The following ANAPC2 variants were observed in gnomAD, a reference collection of about 807,000 sequenced individuals.
ANAPC2 encodes the protein anaphase-promoting complex subunit 2.
ANAPC2 carries 29 observed loss-of-function variants against 84.3 expected under a neutral mutation model. The ratio of observed to expected loss-of-function variants is 0.34; its 90% CI spans 0.26 to 0.47. The LOEUF is 0.47. Among genes scored for constraint, ANAPC2 ranks in the 20% least tolerant of loss-of-function variants. The probability of loss-of-function intolerance (pLI) is 1.00; values close to 1 mark genes in which losing one functional copy is unlikely to be tolerated. For missense variants in ANAPC2, 857 were observed against 1,131.7 expected (o/e 0.76, Z 3.48); for synonymous variants, 571 against 479.4 (o/e 1.19, Z -2.50).
intron 1 of ANAPC2, 33 bp from the exon 2 acceptor site, chr9:137,188,136 C>T: frequency 1.3e-6 from 2 of 1,597,836 alleles, no homozygotes; most frequent in South Asian, 1.1e-5. Flanking sequence ...GCGAGGGGAA[C>T]ACAACATAGA....
Position 137,187,870 on chromosome 9 carries a change from C to A in ANAPC2, c.351G>T (p.Leu117=). 6.2e-7 allele frequency: 1 copy of A among 1,613,680 alleles called. No individual in the cohort carries two copies. The highest frequency in any genetic ancestry group is 8.5e-7 in the Non-Finnish European group (1 of 1,180,044). The change falls in exon 2 of 13, where the codon CTG becomes CTT. Residue 117 remains leucine (L), a synonymous_variant. Coordinates refer to ENST00000323927, the MANE Select transcript of ANAPC2 (RefSeq NM_013366.4). The part of the protein sequence containing the change: ...CLLLLLDAFG[L]LESRLDPYLR... ...GGTAGGGATCCAGGCGGCTCTCCAG[C>A]AGGCCAAAAGCGTCAAGGAGTAGCA...
intron 2 of ANAPC2, 152 bp from the exon 3 acceptor site, chr9:137,186,508 G>C: frequency 3.5e-6 from 4 of 1,156,560 alleles, no homozygotes; most frequent in Non-Finnish European, 3.5e-6. Context: ...ATCCTCAGCT[G>C]TGGGGGGCGG....
rs776900704 is a variant in ANAPC2 at position 137,187,512 on chromosome 9, G to A, written c.709C>T (p.Leu237=). 2.5e-6 allele frequency: 4 copies of A among 1,611,250 alleles called. No individual in the cohort carries two copies. Among genetic ancestry groups the A allele is most frequent in the South Asian group, 1.1e-5 (1 of 91,040 alleles). The change falls in exon 2 of 13, where the codon CTG becomes TTG. Residue 237 remains leucine (L), a synonymous_variant. Transcript: ENST00000323927. ...TGGCTGAGCTGATGGAACTGCTCCAGAGCCTGGCGACACCAGCACTGTTGC... is the reference window on the plus strand; with the variant it reads ...TGGCTGAGCTGATGGAACTGCTCCAAAGCCTGGCGACACCAGCACTGTTGC... The part of the protein sequence containing the change: ...DKQQCWCRQA[L]EQFHQLSQVL...
intron 3 of ANAPC2, 96 bp from the exon 4 acceptor site, chr9:137,185,183 G>A (rs1051844227): frequency 1.6e-5 from 22 of 1,342,492 alleles, no homozygotes; most frequent in Non-Finnish European, 1.7e-5. Flanking sequence ...CCACCCTGTC[G>A]GCCGGGACCG....
Position 137,174,905 on chromosome 9 carries a change from C to T in ANAPC2, c.*37G>A. 14 of 1,377,286 alleles carry T rather than the reference C, an allele frequency of 1.0e-5. No individual in the cohort carries two copies. The highest frequency in any genetic ancestry group is 1.1e-5 in the Non-Finnish European group (12 of 1,047,358). 85.3% of individuals were successfully genotyped at this position (1,377,286 alleles called of 1,614,324 possible). On this transcript the variant is annotated 3_prime_UTR_variant, in exon 13 of 13. Coordinates refer to ENST00000323927, the MANE Select transcript of ANAPC2 (RefSeq NM_013366.4). This position sits in a 1 kb window ranked among gnomAD's most constrained non-coding sequence, Gnocchi z 6.1. ...CGGGAGGACGAGAGCACCTGCAGGG[C>T]AGCGCCTGGCGGGCGGGCGGGCGGG...
chr9:137,179,220 C>G (rs1267322272), intron 10 of ANAPC2, among the ~76,000 whole-genome samples: 1 of 152,176 alleles, frequency 6.6e-6, no homozygotes, highest in Non-Finnish European at 1.5e-5. Context: ...CTCACATGTC[C>G]CCCGCTGGGG....
rs375903586 is a variant in ANAPC2, at chr9:137,181,703, C to T, written c.1446G>A (p.Pro482=). Residue 482 remains proline (P), a synonymous_variant, in exon 7 of 13, where the codon CCG becomes CCA. Transcript: ENST00000323927. ...DDSGEPEDWV[P]DPVDADPGKS... ...AACCTGGATCGGCATCCACAGGGTC[C>T]GGGACCCAGTCCTCTGGCTCGCCTG... The T allele has an allele frequency of 2.0e-5, 32 of 1,609,314 alleles. No individual in the cohort carries two copies. Among genetic ancestry groups the T allele is most frequent in the East Asian group, 4.5e-5 (2 of 44,782 alleles).
At chr9:137,178,488 A>G (rs1834270218) in intron 10 of ANAPC2, among the ~76,000 whole-genome samples, 1 of 152,214 alleles carries the variant, frequency 6.6e-6, no homozygotes, top group Non-Finnish European at 1.5e-5. Context: ...CCCTGGAGGG[A>G]GGCCATTGGG....
At position 137,181,907 on chromosome 9, in the gene ANAPC2, C is replaced by T. The variant is rs542809566; in HGVS notation, c.1287-45G>A. On this transcript the variant is annotated intron_variant, in intron 6 of 12. Coordinates refer to ENST00000323927, the MANE Select transcript of ANAPC2 (RefSeq NM_013366.4). ...TGTGGCCCACAGTGTGGACACCCCG[C>T]GCGCACCTCCCACCACTCATTCCAG... The T allele has an allele frequency of 3.3e-5, 51 of 1,556,826 alleles. No individual in the cohort carries two copies. The Admixed American group carries it at 3.5e-4, about 11-fold the overall frequency.
In ANAPC2 at chr9:137,182,754, C is replaced by T. The variant is rs186782378; in HGVS notation, c.1286+371G>A. 2.1e-4 allele frequency among the ~76,000 whole-genome samples: 32 copies of T among 152,304 alleles called. 1 individual carries two copies. Among genetic ancestry groups the T allele is most frequent in the Middle Eastern group, 6.8e-3 (2 of 294 alleles). On this transcript the variant is annotated intron_variant, in intron 6 of 12. Coordinates refer to ENST00000323927, the MANE Select transcript of ANAPC2 (RefSeq NM_013366.4). The stretch of plus-strand genomic sequence containing the variant: ...AGCCCCAGGAGTGTCTGTTCCTTGC[C>T]GTGGGAAAGGCCAGGACAGCAGAGC...
intron 3 of ANAPC2, 117 bp from the exon 4 acceptor site, chr9:137,185,204 G>T (rs1403713217): frequency 9.0e-6 from 10 of 1,111,148 alleles, no homozygotes; most frequent in Non-Finnish European, 1.2e-5. Context: ...AGGGGAGCCC[G>T]AAGGCCACCT....
chr9:137,175,870 G>A lies in ANAPC2; in HGVS notation c.1891-33C>T, dbSNP rs768266141. Reference sequence around the variant, plus strand: ...GGGCCAGGGTCAGCACGGGCAGCTCGGCTGCAGGGCGCTCAGGCCCGTGGG... The same window carrying A: ...GGGCCAGGGTCAGCACGGGCAGCTCAGCTGCAGGGCGCTCAGGCCCGTGGG... On this transcript the variant is annotated intron_variant, in intron 10 of 12. Coordinates refer to ENST00000323927, the MANE Select transcript of ANAPC2 (RefSeq NM_013366.4). 93 of 1,570,926 alleles carry A rather than the reference G, an allele frequency of 5.9e-5. 3 individuals carry two copies. The Admixed American group carries it at 1.1e-3, about 19-fold the overall frequency.
chr9:137,176,180 G>GA (rs1465233037), intron 10 of ANAPC2: 1 of 176,116 alleles, frequency 5.7e-6, no homozygotes, highest in African/African-American at 3.8e-5. Flanking sequence ...CTAAGAAAAG[G>GA]AAAGATAGGA....
At chr9:137,176,126 A>C in intron 10 of ANAPC2, 1 of 340,730 alleles carries the variant, frequency 2.9e-6, no homozygotes, top group Non-Finnish European at 5.5e-6. Flanking sequence ...GGGTTGATGC[A>C]GATGTAACTG....
chr9:137,183,553 A>G (rs1834386551), intron 5 of ANAPC2, 119 bp downstream of exon 5: 2 of 1,429,500 alleles, frequency 1.4e-6, no homozygotes, highest in African/African-American at 2.9e-5. Context: ...TTCTCAACCC[A>G]TTTCTTCCTT....
chr9:137,179,031 C>G (rs1299075748), intron 10 of ANAPC2, among the ~76,000 whole-genome samples: 1 of 152,220 alleles, frequency 6.6e-6, no homozygotes, highest in African/African-American at 2.4e-5. Context: ...TCCTTCACAG[C>G]AGACCTGGAG....
At chr9:137,182,831 C>A (rs560376758) in intron 6 of ANAPC2, among the ~76,000 whole-genome samples, 1 of 152,322 alleles carries the variant, frequency 6.6e-6, no homozygotes, top group Admixed American at 6.5e-5. Context: ...CAAGGCGAGG[C>A]CAAGTGGAAG....
chr9:137,187,151 G>GCGTGT, intron 2 of ANAPC2: 2 of 324,364 alleles, frequency 6.2e-6, no homozygotes, highest in South Asian at 5.9e-5. Context: ...ACGAGGGTGA[G>GCGTGT]AATCATTCCT....
intron 10 of ANAPC2, among the ~76,000 whole-genome samples, chr9:137,179,109 G>A (rs908529346): frequency 1.3e-5 from 2 of 152,194 alleles, no homozygotes; most frequent in African/African-American, 2.4e-5. Flanking sequence ...CTGTCCTGAG[G>A]CTGCTCCTCC....
Sources: allele counts gnomAD v4.1 joint callset (sites outside exome capture counted in the v4.1 genomes callset), GRCh38; gene constraint gnomAD v4.1.1; non-coding constraint Gnocchi (gnomAD v3.1); transcripts MANE v1.5; gene names NCBI Gene and HGNC (gene_info 2026-07-23, HGNC 2026-07-21).